MLIP: variants seen among roughly 807,000 people sequenced by gnomAD.
The protein encoded by MLIP is muscular LMNA-interacting protein.
MLIP carries 79 observed loss-of-function variants against 84.8 expected under a neutral mutation model. That is an observed-to-expected ratio of 0.93 (90% confidence interval 0.78 to 1.12). The LOEUF is 1.12. MLIP is among the 50% of genes most tolerant of loss of function. The pLI, the probability that MLIP is intolerant of heterozygous loss-of-function variation, is 0.00. For missense variants in MLIP, 1,257 were observed against 1,160.6 expected, an observed-to-expected ratio of 1.08 and a Z score of -1.21; for synonymous variants, 504 against 463.0, an observed-to-expected ratio of 1.09 and a Z score of -1.14.
intron 1 of MLIP, among the ~76,000 whole-genome samples, chr6:54,050,391 T>C (rs1436835306): frequency 6.6e-6 from 1 of 152,166 alleles, no homozygotes; most frequent in Non-Finnish European, 1.5e-5. Context: ...TGTACAGATA[T>C]ACACATTTGC....
At chr6:54,162,784 C>T (rs1391955450) in intron 8 of MLIP, among the ~76,000 whole-genome samples, 1 of 151,850 alleles carries the variant, frequency 6.6e-6, no homozygotes, top group Non-Finnish European at 1.5e-5. Context: ...AAAGCTTAAA[C>T]CTGTGTGTTT....
chr6:54,176,801 A>G (rs925242660), intron 9 of MLIP, among the ~76,000 whole-genome samples: 2 of 152,108 alleles, frequency 1.3e-5, no homozygotes, highest in African/African-American at 4.8e-5. Flanking sequence ...ACTTCAAACT[A>G]TACTACAAGG....
At chr6:54,250,703 C>T (rs745340935) in intron 12 of MLIP, among the ~76,000 whole-genome samples, 3 of 151,974 alleles carry the variant, frequency 2.0e-5, no homozygotes, top group Non-Finnish European at 4.4e-5. Context: ...CTCATTTTAC[C>T]CATCCACCTG....
intron 12 of MLIP, among the ~76,000 whole-genome samples, chr6:54,251,642 A>T (rs1360387242): frequency 9.8e-5 from 10 of 101,918 alleles, no homozygotes; most frequent in Admixed American, 7.4e-4. Flanking sequence ...TATATATTAT[A>T]ACATATAATA....
intron 1 of MLIP, among the ~76,000 whole-genome samples, chr6:54,033,622 C>T (rs948733437): frequency 3.3e-5 from 5 of 152,054 alleles, no homozygotes; most frequent in African/African-American, 9.7e-5. Context: ...GAAGAGTTGG[C>T]CTCAGGACAG....
At chr6:54,086,394 G>A (rs1303600667) in intron 1 of MLIP, among the ~76,000 whole-genome samples, 3 of 152,084 alleles carry the variant, frequency 2.0e-5, no homozygotes, top group Non-Finnish European at 4.4e-5. Flanking sequence ...ATGTGTGTAT[G>A]TTTAATTTTT....
chr6:54,080,748 T>C (rs1767089387), intron 1 of MLIP, among the ~76,000 whole-genome samples: 1 of 148,486 alleles, frequency 6.7e-6, no homozygotes, highest in South Asian at 2.1e-4. Context: ...ATCTATAAAA[T>C]ACACTATATA....
intron 11 of MLIP, chr6:54,217,630 C>A (rs1437485305): frequency 2.0e-6 from 2 of 983,570 alleles, no homozygotes; most frequent in Non-Finnish European, 2.4e-6. Flanking sequence ...TAATTCTTTT[C>A]AAAAATCAAG....
intron 1 of MLIP, among the ~76,000 whole-genome samples, chr6:54,036,827 A>G (rs928116678): frequency 2.6e-5 from 4 of 152,026 alleles, no homozygotes; most frequent in South Asian, 2.1e-4. Flanking sequence ...AAGATATGGA[A>G]GGTTCCAGGC....
intron 11 of MLIP, among the ~76,000 whole-genome samples, chr6:54,210,085 A>G (rs1249799903): frequency 3.9e-5 from 6 of 152,394 alleles, no homozygotes; most frequent in African/African-American, 1.2e-4. Flanking sequence ...TTTAGCTTCA[A>G]TAATTGTGAC....
intron 1 of MLIP, among the ~76,000 whole-genome samples, chr6:54,037,047 T>C (rs943119196): frequency 6.6e-6 from 1 of 152,046 alleles, no homozygotes; most frequent in Non-Finnish European, 1.5e-5. Context: ...GTGATATTTA[T>C]GAATCTTGTC....
chr6:54,085,267 A>T (rs1294174961), intron 1 of MLIP, among the ~76,000 whole-genome samples: 3 of 152,188 alleles, frequency 2.0e-5, no homozygotes, highest in Admixed American at 1.3e-4. Context: ...ATTGTGTGAC[A>T]ATAGTTAAGA....
chr6:54,229,520 T>C (rs1780831534), intron 11 of MLIP, among the ~76,000 whole-genome samples: 1 of 152,160 alleles, frequency 6.6e-6, no homozygotes, highest in Non-Finnish European at 1.5e-5. Flanking sequence ...CTCTCCCTCT[T>C]CCCACAACCC....
Position 54,121,617 on chromosome 6 carries a change from A to G in MLIP, c.252+15A>G. Reference sequence around the variant, plus strand: ...CTGTAAATAGGGTAGGATTATTTTTATTCTTTTTTAATTTCAAACAATTAT... The same window carrying G: ...CTGTAAATAGGGTAGGATTATTTTTGTTCTTTTTTAATTTCAAACAATTAT... On this transcript the variant is annotated intron_variant, in intron 2 of 13. Coordinates refer to ENST00000502396, the MANE Select transcript of MLIP (RefSeq NM_001281747.2). 6.5e-7 allele frequency: 1 copy of G among 1,534,122 alleles called. No homozygotes were observed.
At chr6:54,158,057 T>C (rs1420482497) in intron 5 of MLIP, among the ~76,000 whole-genome samples, 2 of 152,096 alleles carry the variant, frequency 1.3e-5, no homozygotes, top group African/African-American at 4.8e-5. Context: ...CTTAGGGTTA[T>C]ATCCCATGCC....
At chr6:54,228,127 G>A (rs1391979652) in intron 11 of MLIP, among the ~76,000 whole-genome samples, 2 of 105,942 alleles carry the variant, frequency 1.9e-5, no homozygotes, top group African/African-American at 5.8e-5. Flanking sequence ...AGCTTGCAGT[G>A]AGCCGAGATT....
At chr6:54,019,236 G>T (rs902377574) in intron 1 of MLIP, 7 of 766,560 alleles carry the variant, frequency 9.1e-6, no homozygotes, top group Middle Eastern at 2.3e-4. Context: ...TGAGTTCCAT[G>T]GGCTTTCCTG....
intron 9 of MLIP, 143 bp from the exon 10 acceptor site, chr6:54,189,727 T>C (rs1479485641): frequency 1.6e-6 from 1 of 616,388 alleles, no homozygotes; most frequent in Admixed American, 3.2e-5. Flanking sequence ...TTTGGTGGCA[T>C]AAGGATATTT....
At chr6:54,134,999 C>T (rs1423558678) in intron 3 of MLIP, among the ~76,000 whole-genome samples, 1 of 151,804 alleles carries the variant, frequency 6.6e-6, no homozygotes, top group Non-Finnish European at 1.5e-5. Flanking sequence ...AAAAAAATTC[C>T]CTGGATACAC....
Sources: allele counts gnomAD v4.1 joint callset (sites outside exome capture counted in the v4.1 genomes callset), GRCh38; gene constraint gnomAD v4.1.1; transcripts MANE v1.5; gene names NCBI Gene and HGNC (gene_info 2026-07-23, HGNC 2026-07-21).